XK: variants seen among roughly 807,000 people sequenced by gnomAD.
XK encodes endoplasmic reticulum membrane adapter protein XK.
In XK, 2 loss-of-function variants were observed where a neutral mutation model predicts 14.0. The observed-to-expected ratio is 0.14, with a 90% CI of 0.06 to 0.45. The LOEUF (loss-of-function observed/expected upper bound fraction) is 0.45. Ranked by LOEUF, XK falls within the 20% of genes least tolerant of loss-of-function variation. The pLI, the probability that XK is intolerant of heterozygous loss-of-function variation, is 0.98. For missense variants in XK, 235 were observed against 341.5 expected, an observed-to-expected ratio of 0.69 and a Z score of 2.46; for synonymous variants, 149 against 147.5, an observed-to-expected ratio of 1.01 and a Z score of -0.08.
intron 2 of XK, among the ~76,000 whole-genome samples, chrX:37,695,399 T>G (rs782587637): frequency 1.8e-5 from 2 of 110,567 alleles, no homozygotes; most frequent in Non-Finnish European, 3.8e-5. Context: ...CTTTGGGCTA[T>G]TCTCACATCA....
chrX:37,714,565 T>A (rs184405445), intron 2 of XK, among the ~76,000 whole-genome samples: 8 of 110,852 alleles, frequency 7.2e-5, no homozygotes, highest in Non-Finnish European at 1.3e-4. Flanking sequence ...TGTAACTTAT[T>A]TATGGTGAGA....
In XK at chrX:37,685,895, C is replaced by T. The variant is rs1456965517; in HGVS notation, c.-67C>T. 7.0e-6 allele frequency: 8 copies of T among 1,141,501 alleles called. No individual in the cohort carries two copies. The highest frequency in any genetic ancestry group is 9.3e-6 in the Non-Finnish European group (8 of 856,979). The allele number at this position is 1,141,501 out of a possible 1,213,427, so 94.1% of individuals were successfully genotyped here. A position where few individuals can be genotyped will look rare whatever the true frequency, so the allele number is the denominator to read the frequency against. ...CTGGGAGCCCCTCGGGCAACGGCCG[C>T]CGCCGCCACAGCCACACAGCCGCCG... is the stretch of plus-strand genomic sequence containing the variant. On this transcript the variant is annotated 5_prime_UTR_variant, in exon 1 of 3. Coordinates refer to ENST00000378616, the MANE Select transcript of XK (RefSeq NM_021083.4).
chrX:37,704,270 A>C (rs1469155062), intron 2 of XK, among the ~76,000 whole-genome samples: 1 of 112,233 alleles, frequency 8.9e-6, no homozygotes, highest in Non-Finnish European at 1.9e-5. Flanking sequence ...ATGCTGGCTC[A>C]TGCCTGTAAT....
Position 37,728,755 on chromosome X carries a change from T to G in XK, c.*293T>G, listed in dbSNP as rs781957794. ...GACAAGTTACCCCTGAAATCTGAGTTGTACTGGTTAGATTCATTAGGTTGA... is the reference window on the plus strand; with the variant it reads ...GACAAGTTACCCCTGAAATCTGAGTGGTACTGGTTAGATTCATTAGGTTGA... On this transcript the variant is annotated 3_prime_UTR_variant, in exon 3 of 3. Transcript: ENST00000378616. 1 of 316,093 alleles carries G rather than the reference T, an allele frequency of 3.2e-6. No homozygotes were observed. The highest frequency in any genetic ancestry group is 2.6e-5 in the African/African-American group (1 of 37,877). 26.0% of individuals were successfully genotyped at this position (316,093 alleles called of 1,213,427 possible).
chrX:37,698,650 A>G (rs1455093773), intron 2 of XK, among the ~76,000 whole-genome samples: 1 of 109,802 alleles, frequency 9.1e-6, no homozygotes, highest in Non-Finnish European at 1.9e-5. Context: ...TATGGACTCA[A>G]TGAGTATTTC....
In XK at chrX:37,728,685, A is replaced by G; in HGVS notation, c.*223A>G. 1 of 427,497 alleles carries G rather than the reference A, an allele frequency of 2.3e-6. No individual in the cohort carries two copies. Among genetic ancestry groups the G allele is most frequent in the Non-Finnish European group, 4.1e-6 (1 of 245,333 alleles). 35.2% of individuals were successfully genotyped at this position (427,497 alleles called of 1,213,427 possible). On this transcript the variant is annotated 3_prime_UTR_variant, in exon 3 of 3. Coordinates refer to ENST00000378616, the MANE Select transcript of XK (RefSeq NM_021083.4). The stretch of plus-strand genomic sequence containing the variant: ...GGCAACCCAAGGCATCACAGTTCAC[A>G]GGTAACCATGTTGTGTTCTTCTAGG...
intron 1 of XK, among the ~76,000 whole-genome samples, chrX:37,693,840 A>G (rs1556441999): frequency 8.9e-6 from 1 of 111,967 alleles, no homozygotes; most frequent in Admixed American, 9.4e-5. Flanking sequence ...ATGCAGTCAC[A>G]CTATATAATC....
At chrX:37,707,694 C>A (rs1225335605) in intron 2 of XK, among the ~76,000 whole-genome samples, 1 of 110,456 alleles carries the variant, frequency 9.1e-6, no homozygotes, top group Non-Finnish European at 1.9e-5. Flanking sequence ...GGATGGCGGC[C>A]GGGAAGAGGC....
In XK at chrX:37,728,452, G is replaced by A; in HGVS notation, c.1325G>A (p.Cys442Tyr). 1 of 1,208,649 alleles carries A rather than the reference G, an allele frequency of 8.3e-7. No individual in the cohort carries two copies. Among genetic ancestry groups the A allele is most frequent in the East Asian group, 3.0e-5 (1 of 33,822 alleles). ...PGQFLNAEDLCSA is the reference protein window; with the variant it reads ...PGQFLNAEDLYSA ...CAGTTCTTGAATGCTGAAGATCTCT[G>A]CTCTGCTTAATGGGACCCAAGGTCT... is the stretch of plus-strand genomic sequence containing the variant. Residue 442 changes from cysteine to tyrosine, a missense_variant, in exon 3 of 3, where the codon TGC becomes TAC. Coordinates refer to ENST00000378616, the MANE Select transcript of XK (RefSeq NM_021083.4).
At chrX:37,724,446 T>A (rs1435816047) in intron 2 of XK, among the ~76,000 whole-genome samples, 7 of 111,446 alleles carry the variant, frequency 6.3e-5, no homozygotes, top group African/African-American at 2.3e-4. Flanking sequence ...GGAGAAATGA[T>A]AATTTTTAAA....
intron 2 of XK, among the ~76,000 whole-genome samples, chrX:37,715,815 A>G (rs1249754459): frequency 8.9e-6 from 1 of 111,882 alleles, no homozygotes; most frequent in Non-Finnish European, 1.9e-5. Context: ...ATAAGATTAT[A>G]TTAAGTCTAC....
chrX:37,723,133 C>T (rs1197961740), intron 2 of XK, among the ~76,000 whole-genome samples: 3 of 111,081 alleles, frequency 2.7e-5, no homozygotes, highest in Non-Finnish European at 5.7e-5. Context: ...ATACACACCC[C>T]TAGGAAATGA....
chrX:37,695,471 A>C (rs1927290091), intron 2 of XK, among the ~76,000 whole-genome samples: 1 of 111,719 alleles, frequency 9.0e-6, no homozygotes, highest in Non-Finnish European at 1.9e-5. Flanking sequence ...ATCAGAGTCA[A>C]GATTTTAATG....
At chrX:37,714,745 T>C (rs188766211) in intron 2 of XK, among the ~76,000 whole-genome samples, 1 of 110,849 alleles carries the variant, frequency 9.0e-6, no homozygotes. Flanking sequence ...CCCTGGAGTT[T>C]AGGAGTATTT....
At position 37,729,993 on chromosome X, in the gene XK, C is replaced by A. The variant is rs1244551947; in HGVS notation, c.*1531C>A. ...GGAGGTCAAGAAAGCAGTATATATT[C>A]TTTCACAAGGCATCCATACTGTTTA... On this transcript the variant is annotated 3_prime_UTR_variant, in exon 3 of 3. Transcript: ENST00000378616. 6.3e-5 allele frequency: 7 copies of A among 111,895 alleles called. No homozygotes were observed. The highest frequency in any genetic ancestry group is 2.3e-4 in the African/African-American group (7 of 30,836). 9.2% of individuals were successfully genotyped at this position (111,895 alleles called of 1,213,427 possible).
chrX:37,686,652 T>C (rs1954136296), intron 1 of XK, among the ~76,000 whole-genome samples: 1 of 111,687 alleles, frequency 9.0e-6, no homozygotes, highest in African/African-American at 3.3e-5. Flanking sequence ...TGGAGCTTAC[T>C]GTGTGCCAAG....
chrX:37,728,526 A>G lies in XK; in HGVS notation c.*64A>G. ...TGGGTTTGATACTCGTTATTCATAC[A>G]AATAATGAGCCCTACACAGGGAACA... is the stretch of plus-strand genomic sequence containing the variant. On this transcript the variant is annotated 3_prime_UTR_variant, in exon 3 of 3. Coordinates refer to ENST00000378616, the MANE Select transcript of XK (RefSeq NM_021083.4). The G allele has an allele frequency of 9.2e-7, 1 of 1,091,661 alleles. No homozygotes were observed. The highest frequency in any genetic ancestry group is 1.3e-6 in the Non-Finnish European group (1 of 796,976). The allele number at this position is 1,091,661 out of a possible 1,213,427, so 90.0% of individuals were successfully genotyped here. A position where few individuals can be genotyped will look rare whatever the true frequency, so the allele number is the denominator to read the frequency against.
intron 2 of XK, among the ~76,000 whole-genome samples, chrX:37,698,543 CAAA>C (rs35497516): frequency 7.4e-5 from 2 of 27,003 alleles, no homozygotes; most frequent in African/African-American, 2.5e-4. Flanking sequence ...GACCTTGCCT[CAAA>C]AAAAAAAAAA....
intron 2 of XK, among the ~76,000 whole-genome samples, chrX:37,710,084 A>G (rs1556446375): frequency 1.8e-5 from 2 of 112,473 alleles, no homozygotes; most frequent in Non-Finnish European, 3.8e-5. Context: ...GTCACCCAAT[A>G]GGGACTAGAT....
Sources: allele counts gnomAD v4.1 joint callset (sites outside exome capture counted in the v4.1 genomes callset), GRCh38; gene constraint gnomAD v4.1.1; transcripts MANE v1.5; gene names NCBI Gene and HGNC (gene_info 2026-07-23, HGNC 2026-07-21).